Variants in MNAT1 observed in about 807,000 individuals in gnomAD.
MNAT1 encodes MNAT1 component of CDK activating kinase.
In MNAT1, 43 loss-of-function variants were observed where a neutral mutation model predicts 42.0. That is an observed-to-expected ratio of 1.02 (90% confidence interval 0.80 to 1.32). The LOEUF is 1.32. Ranked by LOEUF, MNAT1 falls within the 40% of genes most tolerant of loss-of-function variation. The pLI is 0.00. For missense variants in MNAT1, 306 were observed against 350.4 expected (o/e 0.87, Z 1.01); for synonymous variants, 118 against 120.0 (o/e 0.98, Z 0.11).
chr14:60,866,284 G>T (rs1050062448), intron 6 of MNAT1, among the ~76,000 whole-genome samples: 1 of 148,560 alleles, frequency 6.7e-6, no homozygotes, highest in Non-Finnish European at 1.5e-5. Flanking sequence ...CAATTTGAGG[G>T]ATTTTTGAGG....
chr14:60,911,294 T>G (rs1322632546), intron 7 of MNAT1, among the ~76,000 whole-genome samples: 1 of 152,228 alleles, frequency 6.6e-6, no homozygotes, highest in Non-Finnish European at 1.5e-5. Context: ...TTCATTGATT[T>G]TTTTAAGGGT....
At chr14:60,834,709 C>G (rs1468451257) in intron 6 of MNAT1, among the ~76,000 whole-genome samples, 2 of 152,098 alleles carry the variant, frequency 1.3e-5, no homozygotes, top group African/African-American at 4.8e-5. Context: ...TCCTGTATAT[C>G]CTTGTTAATT....
At chr14:60,893,537 A>G (rs899759508) in intron 7 of MNAT1, among the ~76,000 whole-genome samples, 1 of 152,188 alleles carries the variant, frequency 6.6e-6, no homozygotes, top group East Asian at 1.9e-4. Context: ...ATATTTATGC[A>G]CAGAAATATT....
At chr14:60,877,386 CTG>C (rs1566529189) in intron 6 of MNAT1, among the ~76,000 whole-genome samples, 2 of 152,038 alleles carry the variant, frequency 1.3e-5, no homozygotes, top group Non-Finnish European at 2.9e-5. Flanking sequence ...AAGAGAGAAA[CTG>C]TAATCCAGAT....
At position 60,760,790 on chromosome 14, in the gene MNAT1, A is replaced by G. The variant is rs116173568; in HGVS notation, c.89+25839A>G. 4.9e-3 allele frequency among the ~76,000 whole-genome samples: 751 copies of G among 152,340 alleles called. 6 individuals carry two copies. Among genetic ancestry groups the G allele is most frequent in the African/African-American group, 0.017 (717 of 41,592 alleles). On this transcript the variant is annotated intron_variant, in intron 1 of 7. Transcript: ENST00000261245. The stretch of plus-strand genomic sequence containing the variant: ...GTTCTCCTCTTGTCTGGTAGAAAGT[A>G]CATTGTGCCCTCTGGTACCAGACTT...
chr14:60,851,256 G>T (rs927912133), intron 6 of MNAT1, among the ~76,000 whole-genome samples: 10 of 152,148 alleles, frequency 6.6e-5, no homozygotes, highest in Non-Finnish European at 1.0e-4. Context: ...TAAAGAAGCT[G>T]CTTAAGTACT....
chr14:60,845,530 T>TA (rs1337137207), intron 6 of MNAT1, among the ~76,000 whole-genome samples: 1 of 152,128 alleles, frequency 6.6e-6, no homozygotes, highest in Non-Finnish European at 1.5e-5. Context: ...CTTAAACAGT[T>TA]ATTGAAGTAT....
intron 4 of MNAT1, among the ~76,000 whole-genome samples, chr14:60,809,641 T>TC (rs1420545866): frequency 3.3e-5 from 5 of 152,184 alleles, no homozygotes; most frequent in Admixed American, 6.5e-5. Context: ...TTTAATTCTT[T>TC]ATTTTGTTAA....
intron 6 of MNAT1, among the ~76,000 whole-genome samples, chr14:60,856,233 C>G (rs116525704): frequency 1.9e-3 from 289 of 152,328 alleles, no homozygotes; most frequent in African/African-American, 6.8e-3. Context: ...AAGTGCTGCT[C>G]TAGTGAACAC....
chr14:60,841,630 A>G (rs1240792093), intron 6 of MNAT1, among the ~76,000 whole-genome samples: 1 of 151,534 alleles, frequency 6.6e-6, no homozygotes. Flanking sequence ...GCTTCTATTG[A>G]CTGATTTTTT....
intron 7 of MNAT1, among the ~76,000 whole-genome samples, chr14:60,903,051 T>C (rs1229943499): frequency 1.3e-5 from 2 of 152,018 alleles, no homozygotes; most frequent in Non-Finnish European, 2.9e-5. Flanking sequence ...AGTATAATTC[T>C]AATAACTGTA....
chr14:60,858,607 C>G (rs1200592992), intron 6 of MNAT1, among the ~76,000 whole-genome samples: 1 of 152,086 alleles, frequency 6.6e-6, no homozygotes, highest in East Asian at 1.9e-4. Flanking sequence ...TTTCAAACAG[C>G]ATCATGTGCT....
chr14:60,772,442 C>T (rs969760854), intron 1 of MNAT1, among the ~76,000 whole-genome samples: 9 of 152,024 alleles, frequency 5.9e-5, no homozygotes, highest in South Asian at 2.1e-4. Context: ...TAAATTAGCC[C>T]GGTGTGGTGG....
chr14:60,892,196 C>T (rs889509004), intron 7 of MNAT1, among the ~76,000 whole-genome samples: 13 of 152,118 alleles, frequency 8.5e-5, no homozygotes, highest in South Asian at 2.1e-4. Flanking sequence ...TTCAAGTCCT[C>T]TGTTTTATTT....
At chr14:60,782,633 A>G (rs948388922) in intron 1 of MNAT1, among the ~76,000 whole-genome samples, 5 of 152,208 alleles carry the variant, frequency 3.3e-5, no homozygotes, top group African/African-American at 1.2e-4. Flanking sequence ...TGTGTCTGGT[A>G]TATTTCTAAG....
intron 3 of MNAT1, among the ~76,000 whole-genome samples, chr14:60,806,757 G>C (rs551671124): frequency 1.3e-5 from 2 of 152,300 alleles, no homozygotes; most frequent in South Asian, 4.1e-4. Flanking sequence ...AGATGTTGAG[G>C]ATGGTGAGAG....
At chr14:60,803,830 CATT>C (rs4151210) in intron 3 of MNAT1, among the ~76,000 whole-genome samples, 141 of 152,100 alleles carry the variant, frequency 9.3e-4, no homozygotes, top group East Asian at 8.5e-3. Context: ...AAAATGAAAA[CATT>C]ATAATTTTAA....
intron 7 of MNAT1, among the ~76,000 whole-genome samples, chr14:60,939,119 CTCTTT>C (rs1338829186): frequency 6.6e-6 from 1 of 152,056 alleles, no homozygotes; most frequent in East Asian, 1.9e-4. Flanking sequence ...TGATTCTTCT[CTCTTT>C]TCTTCTTTAT....
chr14:60,968,570 C>T lies in MNAT1; in HGVS notation c.*221C>T, dbSNP rs182977132. The stretch of plus-strand genomic sequence containing the variant: ...CTTATATTTTTCAGAGGATTTGACA[C>T]GATAAGCCTCATCTGATGGAAGAGA... On this transcript the variant is annotated 3_prime_UTR_variant, in exon 8 of 8. Coordinates refer to ENST00000261245, the MANE Select transcript of MNAT1 (RefSeq NM_002431.4). 4,284 of 1,277,270 alleles carry T rather than the reference C, an allele frequency of 3.4e-3. 9 individuals are homozygous for T. The highest frequency in any genetic ancestry group is 3.8e-3 in the Non-Finnish European group (3,578 of 953,362). The allele number at this position is 1,277,270 out of a possible 1,614,324, so 79.1% of individuals were successfully genotyped here.
Sources: allele counts gnomAD v4.1 joint callset (sites outside exome capture counted in the v4.1 genomes callset), GRCh38; gene constraint gnomAD v4.1.1; transcripts MANE v1.5; gene names NCBI Gene and HGNC (gene_info 2026-07-23, HGNC 2026-07-21).